Variants in FAT4 observed in about 807,000 individuals in gnomAD.
The protein encoded by FAT4 is protocadherin Fat 4.
Under a neutral mutation model 303.9 loss-of-function variants are expected in FAT4, and 84 were observed. The ratio of observed to expected loss-of-function variants is 0.28; its 90% confidence interval spans 0.23 to 0.33. The LOEUF (loss-of-function observed/expected upper bound fraction) is 0.33. Ranked by LOEUF, FAT4 falls within the 10% of genes least tolerant of loss-of-function variation. The pLI, the probability that FAT4 is intolerant of heterozygous loss-of-function variation, is 1.00. For synonymous variants in FAT4, 2,307 were observed against 2,298.8 expected, an observed-to-expected ratio of 1.00 and a Z score of -0.10; for missense variants, 6,005 against 6,146.8, an observed-to-expected ratio of 0.98 and a Z score of 0.77.
In FAT4 at chr4:125,465,173, C is replaced by T. The variant is rs1224350418; in HGVS notation, c.11905+1506C>T. ...AAGTTGAGGCAAAACTACCCCAAGA[C>T]GATGTAGCAACTAGAACACAATTTT... On this transcript the variant is annotated intron_variant, in intron 11 of 17. Transcript: ENST00000394329. Among the ~76,000 whole-genome samples, 7 of 152,248 alleles carry T rather than the reference C, an allele frequency of 4.6e-5. No homozygotes were observed. The South Asian group carries it at 6.2e-4, about 14-fold the overall frequency.
intron 2 of FAT4, among the ~76,000 whole-genome samples, chr4:125,323,304 T>G (rs1056214620): frequency 2.0e-5 from 3 of 152,210 alleles, no homozygotes; most frequent in African/African-American, 7.2e-5. Flanking sequence ...CCATTAGCTA[T>G]GCAAAGATTG....
Position 125,319,615 on chromosome 4 carries a change from A to G in FAT4, c.3204A>G (p.Leu1068=). 6.2e-7 allele frequency: 1 copy of G among 1,614,056 alleles called. No individual in the cohort carries two copies. Among genetic ancestry groups the G allele is most frequent in the Non-Finnish European group, 8.5e-7 (1 of 1,179,888 alleles). ...GTGAACTTCAAGACAGATATGTTTT[A>G]ATGGTTGTTGCTTCTGACAGAGCAG... The part of the protein sequence containing the change: ...LDRELQDRYV[L]MVVASDRAVE... Residue 1068 remains leucine, a synonymous_variant, in exon 2 of 18, where the codon TTA becomes TTG. Transcript: ENST00000394329.
At chr4:125,438,891 C>T (rs1022376527) in intron 8 of FAT4, among the ~76,000 whole-genome samples, 6 of 152,012 alleles carry the variant, frequency 3.9e-5, no homozygotes, top group Admixed American at 1.3e-4. Context: ...TTACATGGTT[C>T]GGTTATTTAC....
chr4:125,421,849 A>G (rs1388456175), intron 7 of FAT4, among the ~76,000 whole-genome samples: 4 of 152,170 alleles, frequency 2.6e-5, no homozygotes, highest in Non-Finnish European at 1.5e-5. Flanking sequence ...CAGGTATAAT[A>G]TTTAGAATTT....
At chr4:125,427,421 G>GA (rs1438368274) in intron 7 of FAT4, among the ~76,000 whole-genome samples, 1 of 150,500 alleles carries the variant, frequency 6.6e-6, no homozygotes, top group Non-Finnish European at 1.5e-5. Flanking sequence ...CAAAAATAAT[G>GA]AAAAAAATAT....
rs1731201317 is a variant in FAT4, at chr4:125,327,440, GAAGTC to G, written c.5175+5858_5175+5862del. ...ACATTTTACTGCTTCCTATGTGTTTGAAGTCAAGAGTGTTTCTTTAAAAAACAGCC... is the reference window on the plus strand; with the variant it reads ...ACATTTTACTGCTTCCTATGTGTTTGAAGAGTGTTTCTTTAAAAAACAGCC... On this transcript the variant is annotated intron_variant, in intron 2 of 17. Transcript: ENST00000394329. Among the ~76,000 whole-genome samples, 3 of 152,154 alleles carry G rather than the reference GAAGTC, an allele frequency of 2.0e-5. No homozygotes were observed. In the South Asian group the frequency reaches 6.2e-4, roughly 32 times the overall value.
At position 125,491,177 on chromosome 4, in the gene FAT4, C is replaced by T. The variant is rs1014865; in HGVS notation, c.14361C>T (p.Val4787=). The T allele has an allele frequency of 8.3e-3, 13,323 of 1,614,074 alleles. 517 individuals carry two copies. The highest frequency in any genetic ancestry group is 0.074 in the East Asian group (3,329 of 44,836). Residue 4787 remains valine, a synonymous_variant, in exon 18 of 18, where the codon GTC becomes GTT. Transcript: ENST00000394329. ...GQIPLESSPP[V]GLSIEEVERL... ...TTCCACTGGAATCTTCTCCTCCAGT[C>T]GGACTTTCTATTGAAGAAGTGGAGA...
chr4:125,443,737 A>G (rs1278547888), intron 8 of FAT4, among the ~76,000 whole-genome samples: 1 of 152,214 alleles, frequency 6.6e-6, no homozygotes, highest in East Asian at 1.9e-4. Flanking sequence ...ACCACAAGAC[A>G]CAATCTAATA....
intron 10 of FAT4, among the ~76,000 whole-genome samples, chr4:125,461,812 A>G (rs1387510942): frequency 5.3e-5 from 8 of 151,424 alleles, no homozygotes; most frequent in Non-Finnish European, 1.0e-4. Context: ...GTGCTGTAAG[A>G]AAAAAAAATC....
intron 3 of FAT4, among the ~76,000 whole-genome samples, chr4:125,405,598 C>G (rs1162157809): frequency 6.6e-6 from 1 of 151,832 alleles, no homozygotes; most frequent in Non-Finnish European, 1.5e-5. Context: ...GCAAGCTCTG[C>G]CTCCCGAGTT....
chr4:125,400,779 A>G (rs116473412), intron 3 of FAT4, among the ~76,000 whole-genome samples: 52 of 152,206 alleles, frequency 3.4e-4, no homozygotes, highest in African/African-American at 1.2e-3. Flanking sequence ...AGAAAAATAC[A>G]GAATGTAAAG....
chr4:125,355,025 G>A (rs1398333241), intron 2 of FAT4, among the ~76,000 whole-genome samples: 1 of 151,718 alleles, frequency 6.6e-6, no homozygotes, highest in Non-Finnish European at 1.5e-5. Flanking sequence ...TGAATATAGA[G>A]AAATTTAGTA....
chr4:125,432,709 T>C (rs891474548), intron 7 of FAT4, among the ~76,000 whole-genome samples: 1 of 152,132 alleles, frequency 6.6e-6, no homozygotes, highest in African/African-American at 2.4e-5. Context: ...ATAGGTAAGA[T>C]TTCTGAAGTC....
rs997026775 is a variant in FAT4 at position 125,320,779 on chromosome 4, C to A, written c.4368C>A (p.Ser1456=). 2.9e-5 allele frequency: 46 copies of A among 1,613,980 alleles called. No individual in the cohort carries two copies. Among genetic ancestry groups the A allele is most frequent in the Non-Finnish European group, 3.7e-5 (44 of 1,179,972 alleles). The change falls in exon 2 of 18, where the codon TCC becomes TCA. Residue 1456 remains serine, a synonymous_variant. Transcript: ENST00000394329. ...ATGCAGACATTAATGGTCAACTATCCTACACAATCATTCAACAGATGCCAA... is the reference window on the plus strand; with the variant it reads ...ATGCAGACATTAATGGTCAACTATCATACACAATCATTCAACAGATGCCAA... ...DPDADINGQL[S]YTIIQQMPRG... is the part of the protein sequence containing the mutation.
intron 8 of FAT4, among the ~76,000 whole-genome samples, chr4:125,435,816 A>T (rs1373849135): frequency 1.3e-5 from 2 of 152,138 alleles, no homozygotes; most frequent in African/African-American, 2.4e-5. Flanking sequence ...GGGAGTTTTA[A>T]ACAGAAGAGA....
At chr4:125,488,028 C>G (rs1280825167) in intron 17 of FAT4, among the ~76,000 whole-genome samples, 2 of 151,940 alleles carry the variant, frequency 1.3e-5, no homozygotes, top group South Asian at 2.1e-4. Flanking sequence ...CTGCATTATT[C>G]TAATGTGTGA....
At position 125,478,779 on chromosome 4, in the gene FAT4, C is replaced by T. The variant is rs565456992; in HGVS notation, c.12480-962C>T. On this transcript the variant is annotated intron_variant, in intron 14 of 17. Transcript: ENST00000394329. ...CTCCTGACCTCATGATCCACCACCT[C>T]AGCCTCCCAAAGTGCTGGGATTATA... 2.6e-5 allele frequency among the ~76,000 whole-genome samples: 4 copies of T among 152,244 alleles called. No individual in the cohort carries two copies. In the East Asian group the frequency reaches 5.8e-4, roughly 22 times the overall value.
At position 125,451,640 on chromosome 4, in the gene FAT4, G is replaced by T. The variant is rs1726078407; in HGVS notation, c.10630G>T (p.Gly3544Cys). The T allele has an allele frequency of 6.2e-7, 1 of 1,614,116 alleles. No homozygotes were observed. Among genetic ancestry groups the T allele is most frequent in the South Asian group, 1.1e-5 (1 of 91,084 alleles). ...STDPDLPPNQGPFTYYLLSTG... is the reference protein window; with the variant it reads ...STDPDLPPNQCPFTYYLLSTG... ...TGACCCTGATCTCCCTCCAAATCAA[G>T]GTCCCTTTACTTATTACTTGCTGAG... The change falls in exon 10 of 18, where the codon GGT becomes TGT. Residue 3544 changes from glycine (G) to cysteine (C), a missense_variant. Physicochemically the swap from Gly to Cys is radical, Grantham distance 159. Transcript: ENST00000394329.
At chr4:125,380,535 T>C (rs1486610488) in intron 2 of FAT4, among the ~76,000 whole-genome samples, 1 of 152,230 alleles carries the variant, frequency 6.6e-6, no homozygotes, top group African/African-American at 2.4e-5. Context: ...CTCTTTAGTA[T>C]TAGTTTAACA....
Sources: allele counts gnomAD v4.1 joint callset (sites outside exome capture counted in the v4.1 genomes callset), GRCh38; gene constraint gnomAD v4.1.1; transcripts MANE v1.5; gene names NCBI Gene and HGNC (gene_info 2026-07-23, HGNC 2026-07-21).